MB21D2: variants seen among roughly 807,000 people sequenced by gnomAD.
MB21D2 encodes Mab-21 domain containing 2.
In MB21D2, 9 loss-of-function variants were observed where a neutral mutation model predicts 33.3. The observed-to-expected ratio is 0.27, with a 90% CI of 0.16 to 0.47. MB21D2 has a LOEUF of 0.47. MB21D2 is among the 20% of genes least tolerant of loss of function. The probability of loss-of-function intolerance (pLI) is 0.99; values close to 1 mark genes in which losing one functional copy is unlikely to be tolerated. For synonymous variants in MB21D2, 241 were observed against 236.3 expected (o/e 1.02, Z -0.18); for missense variants, 540 against 624.6 (o/e 0.86, Z 1.44).
rs574424617 is a variant in MB21D2 at position 192,802,837 on chromosome 3, C to G, written c.212-3187G>C. ...TACCATTCAGAATACCATAAATATA[C>G]GTGAGAAGTACTGTGAAATGCTGTG... is the stretch of plus-strand genomic sequence containing the variant. On this transcript the variant is annotated intron_variant, in intron 1 of 1. Coordinates refer to ENST00000392452, the MANE Select transcript of MB21D2 (RefSeq NM_178496.4). Among the ~76,000 whole-genome samples the G allele has an allele frequency of 2.6e-5, 4 of 152,278 alleles. No individual in the cohort carries two copies. In the East Asian group the frequency reaches 7.7e-4, roughly 29 times the overall value.
chr3:192,890,950 T>C (rs529425310), intron 1 of MB21D2, among the ~76,000 whole-genome samples: 1 of 152,214 alleles, frequency 6.6e-6, no homozygotes, highest in East Asian at 1.9e-4. Flanking sequence ...GAAGAAATGA[T>C]AGCAACATCT....
At chr3:192,897,581 G>A (rs901076249) in intron 1 of MB21D2, among the ~76,000 whole-genome samples, 1 of 152,096 alleles carries the variant, frequency 6.6e-6, no homozygotes, top group African/African-American at 2.4e-5. Flanking sequence ...AAATCTCCCA[G>A]CTTTTAAATA....
chr3:192,860,272 C>T (rs868201121), intron 1 of MB21D2, among the ~76,000 whole-genome samples: 1 of 152,238 alleles, frequency 6.6e-6, no homozygotes. Context: ...CAGTGATTTT[C>T]TACATCCAGT....
At chr3:192,814,265 C>T (rs533975641) in intron 1 of MB21D2, among the ~76,000 whole-genome samples, 1 of 151,816 alleles carries the variant, frequency 6.6e-6, no homozygotes, top group African/African-American at 2.4e-5. Flanking sequence ...TAAGAAAGGA[C>T]TAAGGGATCA....
At chr3:192,870,689 C>T (rs369039295) in intron 1 of MB21D2, among the ~76,000 whole-genome samples, 2 of 79,500 alleles carry the variant, frequency 2.5e-5, no homozygotes, top group African/African-American at 1.0e-4. Flanking sequence ...CCAGCCTGGG[C>T]GACTCCGTTG....
intron 1 of MB21D2, among the ~76,000 whole-genome samples, chr3:192,814,041 GT>G (rs1212900921): frequency 6.6e-6 from 1 of 152,060 alleles, no homozygotes. Flanking sequence ...TGCTTCTATT[GT>G]TTTTGCCTTC....
intron 1 of MB21D2, among the ~76,000 whole-genome samples, chr3:192,811,526 G>A (rs1711787633): frequency 1.3e-5 from 2 of 152,178 alleles, no homozygotes; most frequent in Admixed American, 1.3e-4. Context: ...TCCATTACAA[G>A]TCTTATAAAA....
intron 1 of MB21D2, among the ~76,000 whole-genome samples, chr3:192,808,040 A>T (rs1208360649): frequency 2.6e-5 from 4 of 152,130 alleles, no homozygotes; most frequent in African/African-American, 9.7e-5. Context: ...GTCTAGAAGG[A>T]ACTTCACAGT....
At chr3:192,868,608 G>A (rs1343700536) in intron 1 of MB21D2, among the ~76,000 whole-genome samples, 3 of 151,930 alleles carry the variant, frequency 2.0e-5, no homozygotes, top group Non-Finnish European at 4.4e-5. Context: ...TAAATAATCA[G>A]TCATCAGTGG....
chr3:192,911,513 C>G (rs766059110), intron 1 of MB21D2, among the ~76,000 whole-genome samples: 3 of 152,160 alleles, frequency 2.0e-5, no homozygotes, highest in Non-Finnish European at 2.9e-5. Flanking sequence ...TAACACAGGA[C>G]AGGATGTTGA....
chr3:192,810,897 G>C (rs935792572), intron 1 of MB21D2, among the ~76,000 whole-genome samples: 11 of 152,134 alleles, frequency 7.2e-5, no homozygotes, highest in African/African-American at 2.7e-4. Flanking sequence ...GTGTGTGTGT[G>C]TGCGCACGCA....
intron 1 of MB21D2, among the ~76,000 whole-genome samples, chr3:192,823,873 T>A (rs1560231335): frequency 6.6e-6 from 1 of 152,212 alleles, no homozygotes; most frequent in Non-Finnish European, 1.5e-5. Context: ...AAATAATAAT[T>A]GTTTCCCATG....
chr3:192,861,604 C>T (rs547861568), intron 1 of MB21D2, among the ~76,000 whole-genome samples: 62 of 152,242 alleles, frequency 4.1e-4, no homozygotes, highest in African/African-American at 1.5e-3. Flanking sequence ...GTCGGGAGTT[C>T]GAGACCAGCC....
rs147037339 is a variant in MB21D2 at position 192,806,703 on chromosome 3, G to T, written c.212-7053C>A. Among the ~76,000 whole-genome samples, 18 of 152,226 alleles carry T rather than the reference G, an allele frequency of 1.2e-4. No individual in the cohort carries two copies. In the East Asian group the frequency reaches 2.3e-3, roughly 20 times the overall value. Reference sequence around the variant, plus strand: ...ACCGTAACCTAGGATTATGGAATTTGCCCTACAATATAATATGAAAGCCTG... The same window carrying T: ...ACCGTAACCTAGGATTATGGAATTTTCCCTACAATATAATATGAAAGCCTG... On this transcript the variant is annotated intron_variant, in intron 1 of 1. Coordinates refer to ENST00000392452, the MANE Select transcript of MB21D2 (RefSeq NM_178496.4).
chr3:192,857,454 C>A (rs553389385), intron 1 of MB21D2, among the ~76,000 whole-genome samples: 1 of 152,306 alleles, frequency 6.6e-6, no homozygotes, highest in Non-Finnish European at 1.5e-5. Context: ...GATTTCTAAA[C>A]AGGCATCTCC....
chr3:192,870,959 T>C (rs11919145), intron 1 of MB21D2, among the ~76,000 whole-genome samples: 8,981 of 152,232 alleles, frequency 0.059, 366 homozygotes, highest in East Asian at 0.15. Flanking sequence ...AGAGCAAATG[T>C]TGGATGCAAC....
chr3:192,867,744 T>C (rs918263397), intron 1 of MB21D2, among the ~76,000 whole-genome samples: 1 of 152,166 alleles, frequency 6.6e-6, no homozygotes, highest in Admixed American at 6.5e-5. Flanking sequence ...CTGTGACTGC[T>C]TGACAGAGTA....
At chr3:192,910,396 T>C (rs2108655964) in intron 1 of MB21D2, among the ~76,000 whole-genome samples, 1 of 152,176 alleles carries the variant, frequency 6.6e-6, no homozygotes, top group East Asian at 1.9e-4. Context: ...GAGGATCGCT[T>C]GAGCCCAAGA....
At chr3:192,814,143 T>C (rs1198034215) in intron 1 of MB21D2, among the ~76,000 whole-genome samples, 1 of 152,204 alleles carries the variant, frequency 6.6e-6, no homozygotes, top group Non-Finnish European at 1.5e-5. Flanking sequence ...CATGCTAGTT[T>C]GAAAAATAAT....
Sources: gnomAD v4.1 joint callset for allele counts (sites outside exome capture counted in the v4.1 genomes callset) on GRCh38, gnomAD v4.1.1 for gene constraint, MANE v1.5 for transcripts, NCBI Gene and HGNC (gene_info 2026-07-23, HGNC 2026-07-21) for gene names.